The following ALG6 variants were observed in gnomAD, a reference collection of about 807,000 sequenced individuals.
The protein encoded by ALG6 is dolichyl pyrophosphate Man9GlcNAc2 alpha-1,3-glucosyltransferase.
Under a neutral mutation model 66.6 loss-of-function variants are expected in ALG6, and 46 were observed. The ratio of observed to expected loss-of-function variants is 0.69; its 90% CI spans 0.55 to 0.88. ALG6 has a LOEUF of 0.88. Ranked by LOEUF, ALG6 falls within the 40% of genes least tolerant of loss-of-function variation. The pLI is 0.00. For synonymous variants in ALG6, 185 were observed against 203.7 expected (o/e 0.91, Z 0.78); for missense variants, 505 against 586.8 (o/e 0.86, Z 1.44).
At chr1:63,413,160 G>A (rs920662777) in intron 9 of ALG6, among the ~76,000 whole-genome samples, 2 of 152,086 alleles carry the variant, frequency 1.3e-5, no homozygotes, top group African/African-American at 4.8e-5. Flanking sequence ...TTAGAAAACT[G>A]AGGTCAAAGA....
At chr1:63,410,342 C>T (rs1002847446) in intron 7 of ALG6, among the ~76,000 whole-genome samples, 3 of 152,148 alleles carry the variant, frequency 2.0e-5, no homozygotes, top group African/African-American at 7.2e-5. Context: ...GCAGCCTCAA[C>T]TTCCTGGGCT....
intron 2 of ALG6, among the ~76,000 whole-genome samples, chr1:63,376,510 A>G (rs1262436932): frequency 6.6e-6 from 1 of 152,190 alleles, no homozygotes; most frequent in Admixed American, 6.5e-5. Flanking sequence ...CATTTAAGCT[A>G]TACATTTTCT....
At chr1:63,421,895 C>G (rs1008890428) in intron 12 of ALG6, among the ~76,000 whole-genome samples, 1 of 150,834 alleles carries the variant, frequency 6.6e-6, no homozygotes, top group African/African-American at 2.4e-5. Flanking sequence ...GGAGGGATAG[C>G]ATTAGGGAGA....
chr1:63,435,471 C>G (rs984877595), intron 14 of ALG6, among the ~76,000 whole-genome samples: 1 of 152,134 alleles, frequency 6.6e-6, no homozygotes. Flanking sequence ...CTGCATTACT[C>G]TCTATTTAGA....
intron 8 of ALG6, among the ~76,000 whole-genome samples, 182 bp from the exon 9 acceptor site, chr1:63,411,744 G>T (rs1353483906): frequency 6.6e-6 from 1 of 152,134 alleles, no homozygotes; most frequent in African/African-American, 2.4e-5. Flanking sequence ...TGAAGTGCAC[G>T]TCTTAGCTGT....
intron 3 of ALG6, among the ~76,000 whole-genome samples, chr1:63,397,527 T>C (rs927398357): frequency 2.7e-5 from 4 of 147,160 alleles, no homozygotes; most frequent in African/African-American, 5.1e-5. Flanking sequence ...TAGCTTTCTC[T>C]TTGTATTATG....
intron 14 of ALG6, among the ~76,000 whole-genome samples, chr1:63,430,321 A>G (rs1205140796): frequency 6.6e-6 from 1 of 152,136 alleles, no homozygotes; most frequent in Non-Finnish European, 1.5e-5. Flanking sequence ...AGTTGTTTCT[A>G]CTTTTTTAGT....
intron 2 of ALG6, among the ~76,000 whole-genome samples, chr1:63,391,411 C>T (rs539649554): frequency 7.9e-5 from 12 of 152,204 alleles, no homozygotes; most frequent in South Asian, 4.1e-4. Flanking sequence ...GAGTAGTAAA[C>T]GGGAAACTTG....
At chr1:63,402,148 AATTAC>A in intron 3 of ALG6, 101 bp from the exon 4 acceptor site, 1 of 773,606 alleles carries the variant, frequency 1.3e-6, no homozygotes, top group Non-Finnish European at 2.2e-6. Flanking sequence ...ATAATTAGTA[AATTAC>A]ATTATTAAGC....
intron 14 of ALG6, among the ~76,000 whole-genome samples, chr1:63,434,086 G>A (rs1194016177): frequency 6.6e-6 from 1 of 152,198 alleles, no homozygotes; most frequent in East Asian, 1.9e-4. Flanking sequence ...TAAGATTAGA[G>A]AGGTAACAGT....
In ALG6 at chr1:63,428,733, A is replaced by T. The variant is rs775181139; in HGVS notation, c.1059A>T (p.Leu353=). ...VHEKSILLVS[L]PVCLVLSEIP... is the part of the protein sequence containing the mutation. ...AATATTTTTTTCTTTACGATTTTAG[A>T]CCAGTCTGCTTAGTTTTAAGTGAAA... Residue 353 remains leucine, a splice_region_variant and synonymous_variant, in exon 13 of 15, where the codon CTA becomes CTT. Transcript: ENST00000263440. 5 of 1,598,248 alleles carry T rather than the reference A, an allele frequency of 3.1e-6. No homozygotes were observed. The highest frequency in any genetic ancestry group is 3.4e-6 in the Non-Finnish European group (4 of 1,169,488).
At chr1:63,408,000 G>C (rs938660497) in intron 7 of ALG6, among the ~76,000 whole-genome samples, 11 of 152,076 alleles carry the variant, frequency 7.2e-5, no homozygotes, top group Non-Finnish European at 1.5e-4. Context: ...AGGAAAAAAT[G>C]TTATCTACCA....
intron 2 of ALG6, among the ~76,000 whole-genome samples, chr1:63,393,584 A>G (rs913118979): frequency 1.3e-5 from 2 of 152,222 alleles, no homozygotes; most frequent in African/African-American, 4.8e-5. Context: ...TGAAGGTTGG[A>G]TATGAGTTGA....
rs1200621172 is a variant in ALG6, at chr1:63,415,662, G to A, written c.903-211G>A. 2.8e-5 allele frequency among the ~76,000 whole-genome samples: 4 copies of A among 145,090 alleles called. No individual in the cohort carries two copies. The South Asian group carries it at 7.1e-4, about 26-fold the overall frequency. ...TTTTATCATGTTTGGTCTATATTAT[G>A]TAATCGTGTATAAAAGTATATATAT... On this transcript the variant is annotated intron_variant, in intron 10 of 14. Coordinates refer to ENST00000263440, the MANE Select transcript of ALG6 (RefSeq NM_013339.4).
In ALG6 at chr1:63,396,559, C is replaced by A; in HGVS notation, c.129C>A (p.His43Gln). The A allele has an allele frequency of 6.2e-7, 1 of 1,614,102 alleles. No individual in the cohort carries two copies. The highest frequency in any genetic ancestry group is 1.7e-5 in the Admixed American group (1 of 60,024). ...TTGGTGATTATGAAGCTCAGAGACACTGGCAAGAAATAACTTTTAATTTAC... is the reference window on the plus strand; with the variant it reads ...TTGGTGATTATGAAGCTCAGAGACAATGGCAAGAAATAACTTTTAATTTAC... ...PMFGDYEAQR[H>Q]WQEITFNLPV... Residue 43 changes from histidine to glutamine, a missense_variant, in exon 3 of 15, where the codon CAC becomes CAA. His to Gln is a conservative substitution (Grantham distance 24). Coordinates refer to ENST00000263440, the MANE Select transcript of ALG6 (RefSeq NM_013339.4).
rs2100417039 is a variant in ALG6, at chr1:63,406,379, G to T, written c.409G>T (p.Glu137Ter). ...GGTTTTGTACTGTTGTTGCTTAAAA[G>T]AAATCTCAACTAAGAAAAAGGTAGG... is the stretch of plus-strand genomic sequence containing the variant. ...AVVLYCCCLK[E>*]ISTKKKIANA... Residue 137 changes from glutamate to a stop codon, truncating the protein, a stop_gained, in exon 6 of 15, where the codon GAA becomes TAA. Coordinates refer to ENST00000263440, the MANE Select transcript of ALG6 (RefSeq NM_013339.4). LOFTEE classifies it high-confidence loss of function. 5.6e-6 allele frequency: 9 copies of T among 1,613,154 alleles called. No homozygotes were observed. Among genetic ancestry groups the T allele is most frequent in the East Asian group, 2.2e-5 (1 of 44,810 alleles).
rs1648457088 is a variant in ALG6 at position 63,385,138 on chromosome 1, C to A, written c.83-11375C>A. Among the ~76,000 whole-genome samples the A allele has an allele frequency of 4.8e-5, 6 of 124,270 alleles. No individual in the cohort carries two copies. In the South Asian group the frequency reaches 1.3e-3, roughly 27 times the overall value. 81.5% of individuals were successfully genotyped at this position (124,270 alleles called of 152,430 possible). ...AATATTTTCCCATTTTTTTGAATTT[C>A]TTTCATCAGTGTTCTATAGTTTTTT... On this transcript the variant is annotated intron_variant, in intron 2 of 14. Transcript: ENST00000263440.
intron 10 of ALG6, 98 bp downstream of exon 10, chr1:63,414,244 G>GT (rs1214553719): frequency 3.5e-6 from 3 of 859,044 alleles, no homozygotes; most frequent in East Asian, 5.7e-5. Context: ...GGAATGAGGT[G>GT]TTTTTCTTTT....
chr1:63,368,810 C>T (rs1647814303), intron 1 of ALG6, among the ~76,000 whole-genome samples: 1 of 152,062 alleles, frequency 6.6e-6, no homozygotes, highest in African/African-American at 2.4e-5. Context: ...CCCTTTTATG[C>T]TTTTTAAATT....
Sources: gnomAD v4.1 joint callset for allele counts (sites outside exome capture counted in the v4.1 genomes callset) on GRCh38, gnomAD v4.1.1 for gene constraint, MANE v1.5 for transcripts, NCBI Gene and HGNC (gene_info 2026-07-23, HGNC 2026-07-21) for gene names.